EPHB1: variants seen among roughly 807,000 people sequenced by gnomAD.
The protein encoded by EPHB1 is ephrin type-B receptor 1.
EPHB1 carries 30 observed loss-of-function variants against 94.4 expected under a neutral mutation model. The observed-to-expected ratio is 0.32, with a 90% CI of 0.24 to 0.43. The LOEUF is 0.43. EPHB1 is among the 20% of genes least tolerant of loss of function. The pLI, the probability that EPHB1 is intolerant of heterozygous loss-of-function variation, is 1.00. For synonymous variants in EPHB1, 522 were observed against 489.1 expected, an observed-to-expected ratio of 1.07 and a Z score of -0.89; for missense variants, 1,055 against 1,308.3, an observed-to-expected ratio of 0.81 and a Z score of 2.99.
rs1578238193 is a variant in EPHB1 at position 134,966,884 on chromosome 3, C to T, written c.805+14832C>T. 3.9e-5 allele frequency among the ~76,000 whole-genome samples: 6 copies of T among 152,216 alleles called. No homozygotes were observed. The East Asian group carries it at 1.2e-3, about 29-fold the overall frequency. ...AATGGCAGTCAGTGTTAGAACAGGG[C>T]CCCGCTCTGGCCCTGAGTTCTGAAA... On this transcript the variant is annotated intron_variant, in intron 3 of 15. Coordinates refer to ENST00000398015, the MANE Select transcript of EPHB1 (RefSeq NM_004441.5).
chr3:134,987,158 C>CAAT lies in EPHB1; in HGVS notation c.805+35119_805+35121dup, dbSNP rs1169121053. Among the ~76,000 whole-genome samples, 4 of 151,938 alleles carry CAAT rather than the reference C, an allele frequency of 2.6e-5. No homozygotes were observed. In the East Asian group the frequency reaches 5.8e-4, roughly 22 times the overall value. ...ATAGTAATAACAGTAACAACAACAA[C>CAAT]AATAATAATAATAATTACTAACATT... is the stretch of plus-strand genomic sequence containing the variant. On this transcript the variant is annotated intron_variant, in intron 3 of 15. Transcript: ENST00000398015.
intron 12 of EPHB1, among the ~76,000 whole-genome samples, chr3:135,219,031 G>C (rs1009953725): frequency 1.3e-5 from 2 of 152,142 alleles, no homozygotes. Flanking sequence ...GGAGGAGCCT[G>C]AGCTCAAGCA....
At chr3:135,018,600 C>T (rs1373212666) in intron 3 of EPHB1, among the ~76,000 whole-genome samples, 2 of 152,150 alleles carry the variant, frequency 1.3e-5, no homozygotes, top group Non-Finnish European at 2.9e-5. Context: ...TTAGTAGATA[C>T]CTTTGAACAA....
At chr3:135,018,691 T>C (rs762007834) in intron 3 of EPHB1, among the ~76,000 whole-genome samples, 4 of 152,194 alleles carry the variant, frequency 2.6e-5, no homozygotes, top group Non-Finnish European at 5.9e-5. Flanking sequence ...ACCCACCTTT[T>C]CCTATGATAG....
intron 3 of EPHB1, among the ~76,000 whole-genome samples, chr3:135,033,098 T>G (rs1254408607): frequency 6.6e-6 from 1 of 152,154 alleles, no homozygotes; most frequent in African/African-American, 2.4e-5. Context: ...CCCTGAAGAA[T>G]GACTAGCACT....
chr3:135,007,785 C>A (rs1935477044), intron 3 of EPHB1, among the ~76,000 whole-genome samples: 2 of 152,244 alleles, frequency 1.3e-5, no homozygotes, highest in Admixed American at 6.5e-5. Context: ...TTTAGTCATT[C>A]TTCCAGCTTT....
intron 3 of EPHB1, among the ~76,000 whole-genome samples, chr3:135,001,664 G>A (rs1935184186): frequency 6.6e-6 from 1 of 152,176 alleles, no homozygotes; most frequent in Non-Finnish European, 1.5e-5. Flanking sequence ...CAGCCTAGGT[G>A]TCGGGCATGC....
intron 3 of EPHB1, among the ~76,000 whole-genome samples, chr3:134,980,527 G>A (rs1934362977): frequency 6.6e-6 from 1 of 152,136 alleles, no homozygotes; most frequent in Admixed American, 6.5e-5. Context: ...TTTCTCTTCT[G>A]ACTAGATTGC....
chr3:134,944,391 A>G lies in EPHB1; in HGVS notation c.124-6980A>G, dbSNP rs2039178483. ...ACTTGACAACAAAGGGTCTTAGGTG[A>G]CATATTAAAGAGTCCAGCTGAGTCC... On this transcript the variant is annotated intron_variant, in intron 2 of 15. Coordinates refer to ENST00000398015, the MANE Select transcript of EPHB1 (RefSeq NM_004441.5). Among the ~76,000 whole-genome samples the G allele has an allele frequency of 2.6e-5, 4 of 152,334 alleles. No homozygotes were observed. The South Asian group carries it at 8.3e-4, about 32-fold the overall frequency.
intron 15 of EPHB1, among the ~76,000 whole-genome samples, chr3:135,253,572 A>G (rs1441270414): frequency 2.7e-5 from 4 of 150,586 alleles, no homozygotes; most frequent in Non-Finnish European, 4.4e-5. Flanking sequence ...ATTGATCTAT[A>G]TCTCTGTTTT....
intron 3 of EPHB1, among the ~76,000 whole-genome samples, chr3:135,056,756 A>C (rs1228869904): frequency 6.6e-6 from 1 of 152,262 alleles, no homozygotes; most frequent in Non-Finnish European, 1.5e-5. Flanking sequence ...GAGCCCTCGC[A>C]GACGAGACAG....
intron 5 of EPHB1, among the ~76,000 whole-genome samples, chr3:135,135,814 C>G (rs1384596617): frequency 6.6e-6 from 1 of 152,186 alleles, no homozygotes; most frequent in Non-Finnish European, 1.5e-5. Flanking sequence ...AATGCGTACT[C>G]TATGTCTGGA....
chr3:134,884,075 C>T (rs1017977505), intron 1 of EPHB1, among the ~76,000 whole-genome samples: 12 of 152,200 alleles, frequency 7.9e-5, no homozygotes, highest in Admixed American at 2.6e-4. Flanking sequence ...AGCTGTGTGC[C>T]CTGCCCCATG....
intron 4 of EPHB1, among the ~76,000 whole-genome samples, chr3:135,108,042 C>A (rs1368807767): frequency 2.0e-5 from 3 of 152,138 alleles, no homozygotes; most frequent in Non-Finnish European, 4.4e-5. Context: ...GATGTTCAGA[C>A]CAAAGACTAG....
intron 3 of EPHB1, among the ~76,000 whole-genome samples, chr3:135,063,845 T>C (rs942180793): frequency 6.6e-6 from 1 of 152,124 alleles, no homozygotes; most frequent in East Asian, 1.9e-4. Flanking sequence ...ATAGATGGCT[T>C]TTATTACATT....
intron 12 of EPHB1, among the ~76,000 whole-genome samples, chr3:135,212,494 A>G (rs1453047810): frequency 2.0e-5 from 3 of 152,114 alleles, no homozygotes; most frequent in Non-Finnish European, 4.4e-5. Context: ...AAACTCTGTC[A>G]TGTTTGCAGT....
chr3:135,127,796 T>G (rs2107685354), intron 4 of EPHB1, among the ~76,000 whole-genome samples: 1 of 152,300 alleles, frequency 6.6e-6, no homozygotes, highest in Non-Finnish European at 1.5e-5. Flanking sequence ...ATGGTAGCAC[T>G]TGGGCTGGCC....
intron 12 of EPHB1, among the ~76,000 whole-genome samples, chr3:135,211,191 A>C (rs1943024273): frequency 6.6e-6 from 1 of 152,200 alleles, no homozygotes; most frequent in South Asian, 2.1e-4. Context: ...GAGACCACAT[A>C]ATCATATCAT....
chr3:135,105,174 T>A (rs1939165118), intron 3 of EPHB1, among the ~76,000 whole-genome samples: 1 of 152,232 alleles, frequency 6.6e-6, no homozygotes, highest in African/African-American at 2.4e-5. Context: ...CATTTGAGAT[T>A]AGCTTTCTAT....
Sources: allele counts gnomAD v4.1 joint callset (sites outside exome capture counted in the v4.1 genomes callset), GRCh38; gene constraint gnomAD v4.1.1; transcripts MANE v1.5; gene names NCBI Gene and HGNC (gene_info 2026-07-23, HGNC 2026-07-21).